Variants in MARCHF4 observed in about 807,000 individuals in gnomAD.
MARCHF4 encodes E3 ubiquitin-protein ligase MARCHF4.
A neutral mutation model predicts 43.9 loss-of-function variants in MARCHF4; 14 were observed. That is an observed-to-expected ratio of 0.32 (90% CI 0.21 to 0.50). The LOEUF (loss-of-function observed/expected upper bound fraction) is 0.50. MARCHF4 is among the 20% of genes least tolerant of loss of function. MARCHF4 has a pLI of 0.98. For missense variants in MARCHF4, 468 were observed against 536.7 expected (o/e 0.87, Z 1.27); for synonymous variants, 226 against 213.3 (o/e 1.06, Z -0.52).
chr2:216,350,199 C>T lies in MARCHF4; in HGVS notation c.516+19546G>A, dbSNP rs116432356. Among the ~76,000 whole-genome samples the T allele has an allele frequency of 9.9e-3, 1,506 of 151,452 alleles. 34 individuals carry two copies. The highest frequency in any genetic ancestry group is 0.035 in the African/African-American group (1,423 of 41,172). On this transcript the variant is annotated intron_variant, in intron 1 of 3. Transcript: ENST00000273067. ...ACTGTGCCACAACACAAACATGCTACGCCACTGTCTCATCATGCCACACCC... is the reference window on the plus strand; with the variant it reads ...ACTGTGCCACAACACAAACATGCTATGCCACTGTCTCATCATGCCACACCC...
At chr2:216,327,091 A>G (rs962300823) in intron 1 of MARCHF4, among the ~76,000 whole-genome samples, 2 of 152,156 alleles carry the variant, frequency 1.3e-5, no homozygotes, top group African/African-American at 4.8e-5. Context: ...TGACTGATAC[A>G]GGTTAGAATG....
chr2:216,264,886 T>C (rs535582608), intron 3 of MARCHF4, among the ~76,000 whole-genome samples: 1 of 152,310 alleles, frequency 6.6e-6, no homozygotes, highest in South Asian at 2.1e-4. Context: ...AGATAATGCT[T>C]GTTTGGGAAA....
rs903325576 is a variant in MARCHF4 at position 216,371,946 on chromosome 2, C to T, written c.-1686G>A. On this transcript the variant is annotated 5_prime_UTR_variant, in exon 1 of 4. Transcript: ENST00000273067. ...TAGGCTCGCTGTTGCTACCTCTCCT[C>T]GCAGATGCAACGAGGTAAGGCTTGT... The T allele has an allele frequency of 1.3e-5, 2 of 151,884 alleles. No homozygotes were observed. Among genetic ancestry groups the T allele is most frequent in the Non-Finnish European group, 1.5e-5 (1 of 67,964 alleles). The allele number at this position is 151,884 out of a possible 1,614,324, so 9.4% of individuals were successfully genotyped here. A position where few individuals can be genotyped will look rare whatever the true frequency, so the allele number is the denominator to read the frequency against.
intron 1 of MARCHF4, among the ~76,000 whole-genome samples, chr2:216,291,584 G>A (rs909212072): frequency 5.9e-5 from 9 of 152,172 alleles, no homozygotes; most frequent in African/African-American, 2.2e-4. Context: ...CTGGCACACA[G>A]TAAGCTCTCA....
At chr2:216,289,516 A>G (rs920926913) in intron 1 of MARCHF4, among the ~76,000 whole-genome samples, 7 of 152,168 alleles carry the variant, frequency 4.6e-5, no homozygotes, top group Non-Finnish European at 1.0e-4. Flanking sequence ...AACACTGCCA[A>G]TAACACAGCA....
At chr2:216,286,852 A>C (rs1691226260) in intron 1 of MARCHF4, among the ~76,000 whole-genome samples, 1 of 152,244 alleles carries the variant, frequency 6.6e-6, no homozygotes, top group East Asian at 1.9e-4. Context: ...GATGGATTCA[A>C]GCTAAACTTA....
At position 216,314,027 on chromosome 2, in the gene MARCHF4, C is replaced by T. The variant is rs545034278; in HGVS notation, c.517-30298G>A. Among the ~76,000 whole-genome samples, 4 of 152,210 alleles carry T rather than the reference C, an allele frequency of 2.6e-5. No individual in the cohort carries two copies. The South Asian group carries it at 6.2e-4, about 24-fold the overall frequency. On this transcript the variant is annotated intron_variant, in intron 1 of 3. Transcript: ENST00000273067. ...CTCTTGCATCCTAGGTCTAACTTCT[C>T]AGTGCCAGGTGAAAGGGGATTATAA...
At chr2:216,358,708 A>G (rs888730102) in intron 1 of MARCHF4, among the ~76,000 whole-genome samples, 1 of 151,952 alleles carries the variant, frequency 6.6e-6, no homozygotes, top group Non-Finnish European at 1.5e-5. Context: ...GACTTCTAGA[A>G]CTCACCCATC....
At position 216,355,620 on chromosome 2, in the gene MARCHF4, C is replaced by T. The variant is rs552792401; in HGVS notation, c.516+14125G>A. Among the ~76,000 whole-genome samples the T allele has an allele frequency of 1.9e-4, 29 of 152,292 alleles. No homozygotes were observed. The Middle Eastern group carries it at 0.01, about 54-fold the overall frequency. On this transcript the variant is annotated intron_variant, in intron 1 of 3. Coordinates refer to ENST00000273067, the MANE Select transcript of MARCHF4 (RefSeq NM_020814.3). ...GTGGAAAGTCCTTGAAATCACATCA[C>T]GTACTCTTTCTGATACTCAAACTGA...
intron 1 of MARCHF4, among the ~76,000 whole-genome samples, chr2:216,323,619 G>C: frequency 6.6e-6 from 1 of 152,116 alleles, no homozygotes; most frequent in East Asian, 1.9e-4. Flanking sequence ...CTATCTCTCA[G>C]ACCACAGTGC....
chr2:216,352,207 A>G (rs1387857024), intron 1 of MARCHF4, among the ~76,000 whole-genome samples: 1 of 152,116 alleles, frequency 6.6e-6, no homozygotes, highest in African/African-American at 2.4e-5. Context: ...CAGCAACCTG[A>G]TGTGATTGTT....
intron 1 of MARCHF4, among the ~76,000 whole-genome samples, chr2:216,298,634 C>G (rs74927906): frequency 6.6e-6 from 1 of 152,260 alleles, no homozygotes; most frequent in South Asian, 2.1e-4. Flanking sequence ...TGCCCAGAGG[C>G]TGGGAAGGAA....
intron 1 of MARCHF4, among the ~76,000 whole-genome samples, chr2:216,355,025 G>A (rs1355350582): frequency 6.8e-6 from 1 of 147,696 alleles, no homozygotes; most frequent in Non-Finnish European, 1.5e-5. Flanking sequence ...AGGCTAGAGT[G>A]CAGTGGTGCG....
intron 1 of MARCHF4, among the ~76,000 whole-genome samples, chr2:216,354,482 G>A (rs909409620): frequency 4.6e-5 from 7 of 151,992 alleles, no homozygotes; most frequent in African/African-American, 9.7e-5. Context: ...TGCAACCCTG[G>A]TCCACGGCAC....
intron 1 of MARCHF4, among the ~76,000 whole-genome samples, chr2:216,313,315 T>A (rs1343842431): frequency 6.6e-6 from 1 of 152,222 alleles, no homozygotes; most frequent in Non-Finnish European, 1.5e-5. Flanking sequence ...GCAAATGGCA[T>A]CTAATTTCTC....
intron 1 of MARCHF4, among the ~76,000 whole-genome samples, chr2:216,294,574 C>T (rs1691360767): frequency 6.6e-6 from 1 of 152,188 alleles, no homozygotes; most frequent in African/African-American, 2.4e-5. Flanking sequence ...GGCTGGCAGC[C>T]ATGGGCTTAA....
At chr2:216,283,508 C>A in intron 2 of MARCHF4, 66 bp downstream of exon 2, 1 of 1,502,162 alleles carries the variant, frequency 6.7e-7, no homozygotes, top group Admixed American at 1.9e-5. Flanking sequence ...AAGTAAGCCT[C>A]CTGCTAAAGC....
chr2:216,297,234 G>C (rs1691411313), intron 1 of MARCHF4, among the ~76,000 whole-genome samples: 1 of 152,156 alleles, frequency 6.6e-6, no homozygotes, highest in Non-Finnish European at 1.5e-5. Flanking sequence ...CTAGAGCTGG[G>C]AAGGGCCTGG....
At chr2:216,279,066 A>G (rs887626546) in intron 2 of MARCHF4, among the ~76,000 whole-genome samples, 2 of 152,216 alleles carry the variant, frequency 1.3e-5, no homozygotes, top group Non-Finnish European at 2.9e-5. Flanking sequence ...AGACAACAAT[A>G]TAATTATTCG....
Sources: allele counts gnomAD v4.1 joint callset (sites outside exome capture counted in the v4.1 genomes callset), GRCh38; gene constraint gnomAD v4.1.1; transcripts MANE v1.5; gene names NCBI Gene and HGNC (gene_info 2026-07-23, HGNC 2026-07-21).